ATXN1: variants seen among roughly 807,000 people sequenced by gnomAD.
ATXN1 encodes ataxin 1.
Under a neutral mutation model 56.4 loss-of-function variants are expected in ATXN1, and 8 were observed. The ratio of observed to expected loss-of-function variants is 0.14; its 90% confidence interval spans 0.08 to 0.26. The LOEUF (loss-of-function observed/expected upper bound fraction) is 0.26, where lower values mean the gene tolerates loss of function less well. Ranked by LOEUF, ATXN1 falls within the 10% of genes least tolerant of loss-of-function variation. The pLI, the probability that ATXN1 is intolerant of heterozygous loss-of-function variation, is 1.00. For synonymous variants in ATXN1, 514 were observed against 494.6 expected, an observed-to-expected ratio of 1.04 and a Z score of -0.52; for missense variants, 987 against 1,106.5, an observed-to-expected ratio of 0.89 and a Z score of 1.53.
intron 5 of ATXN1, among the ~76,000 whole-genome samples, chr6:16,515,948 G>C (rs960874674): frequency 2.6e-5 from 4 of 152,154 alleles, no homozygotes; most frequent in African/African-American, 9.7e-5. Flanking sequence ...CATTCAGGAG[G>C]AACAAGGTCA....
intron 3 of ATXN1, among the ~76,000 whole-genome samples, chr6:16,623,180 A>C (rs772410040): frequency 3.3e-5 from 5 of 152,182 alleles, no homozygotes; most frequent in Admixed American, 1.3e-4. Context: ...GAGAGCCTCC[A>C]TGTCTCGTGG....
At chr6:16,449,823 A>G (rs990576777) in intron 6 of ATXN1, among the ~76,000 whole-genome samples, 31 of 152,262 alleles carry the variant, frequency 2.0e-4, no homozygotes, top group African/African-American at 7.5e-4. Context: ...TTAGGGAATC[A>G]GGGTTTTCTC....
chr6:16,441,218 G>A (rs1389078621), intron 6 of ATXN1, among the ~76,000 whole-genome samples: 1 of 152,156 alleles, frequency 6.6e-6, no homozygotes, highest in African/African-American at 2.4e-5. Flanking sequence ...AGAAACTTTT[G>A]AGAGCAGAAT....
At chr6:16,347,025 G>A (rs1362930214) in intron 6 of ATXN1, among the ~76,000 whole-genome samples, 2 of 152,230 alleles carry the variant, frequency 1.3e-5, no homozygotes, top group Non-Finnish European at 2.9e-5. Context: ...TTAGCAGTTG[G>A]GCCAGCAGCC....
intron 3 of ATXN1, among the ~76,000 whole-genome samples, chr6:16,640,624 A>T (rs1276624324): frequency 6.6e-6 from 1 of 151,924 alleles, no homozygotes; most frequent in Non-Finnish European, 1.5e-5. Flanking sequence ...CGGAGCTTGC[A>T]GTAAGCAGAG....
At chr6:16,608,175 G>A (rs910873095) in intron 3 of ATXN1, among the ~76,000 whole-genome samples, 7 of 152,166 alleles carry the variant, frequency 4.6e-5, no homozygotes, top group African/African-American at 1.4e-4. Context: ...AACCATCTGC[G>A]ACTTGGATGT....
At position 16,455,574 on chromosome 6, in the gene ATXN1, C is replaced by G. The variant is rs190307933; in HGVS notation, c.-161+30398G>C. ...GCAAGCATGCTCCTTGGTATCTACA[C>G]AAATAAACTAAAAACTTAAGTCCAC... is the stretch of plus-strand genomic sequence containing the variant. On this transcript the variant is annotated intron_variant, in intron 6 of 7. Coordinates refer to ENST00000436367, the MANE Select transcript of ATXN1 (RefSeq NM_001128164.2). Among the ~76,000 whole-genome samples, 541 of 152,298 alleles carry G rather than the reference C, an allele frequency of 3.6e-3. 3 individuals are homozygous for G. The highest frequency in any genetic ancestry group is 4.9e-3 in the Non-Finnish European group (333 of 68,014).
chr6:16,419,606 G>A (rs1758990088), intron 6 of ATXN1, among the ~76,000 whole-genome samples: 1 of 152,088 alleles, frequency 6.6e-6, no homozygotes, highest in Non-Finnish European at 1.5e-5. Context: ...AGTGTGTGAG[G>A]GCCAGGCTGC....
chr6:16,662,596 A>C (rs1356517007), intron 2 of ATXN1, among the ~76,000 whole-genome samples: 1 of 152,184 alleles, frequency 6.6e-6, no homozygotes, highest in African/African-American at 2.4e-5. Flanking sequence ...GGCCTCCCAA[A>C]GTGCTGGGAT....
At chr6:16,620,987 C>T (rs1409879746) in intron 3 of ATXN1, among the ~76,000 whole-genome samples, 1 of 152,218 alleles carries the variant, frequency 6.6e-6, no homozygotes, top group African/African-American at 2.4e-5. Flanking sequence ...AAGTGGGCTT[C>T]TACATCCCGA....
At chr6:16,501,194 G>T (rs1300193577) in intron 5 of ATXN1, among the ~76,000 whole-genome samples, 1 of 152,226 alleles carries the variant, frequency 6.6e-6, no homozygotes, top group Non-Finnish European at 1.5e-5. Context: ...TTCTGCCATT[G>T]TTCACAGGCC....
chr6:16,374,425 T>C (rs1240825159), intron 6 of ATXN1, among the ~76,000 whole-genome samples: 4 of 152,230 alleles, frequency 2.6e-5, no homozygotes, highest in African/African-American at 9.6e-5. Flanking sequence ...AATCCTTTAA[T>C]TTAACAACCT....
At chr6:16,580,493 C>T (rs1762509101) in intron 4 of ATXN1, among the ~76,000 whole-genome samples, 1 of 152,154 alleles carries the variant, frequency 6.6e-6, no homozygotes, top group African/African-American at 2.4e-5. Context: ...GTCTGTGCAG[C>T]AGTCTGCTTT....
chr6:16,311,326 C>T (rs1195177023), intron 7 of ATXN1, among the ~76,000 whole-genome samples: 1 of 152,146 alleles, frequency 6.6e-6, no homozygotes, highest in Non-Finnish European at 1.5e-5. Context: ...GGCCCCCAAA[C>T]CCATTTTCTT....
intron 4 of ATXN1, among the ~76,000 whole-genome samples, chr6:16,545,636 C>T (rs1161111078): frequency 2.0e-5 from 3 of 152,008 alleles, no homozygotes; most frequent in Admixed American, 6.6e-5. Context: ...TGACATGGAC[C>T]GAGAGCTAAC....
At chr6:16,315,237 G>GTATC (rs1320669678) in intron 7 of ATXN1, among the ~76,000 whole-genome samples, 1 of 152,080 alleles carries the variant, frequency 6.6e-6, no homozygotes, top group Non-Finnish European at 1.5e-5. Context: ...TCCATAAATG[G>GTATC]TATCCCATTC....
At position 16,306,668 on chromosome 6, in the gene ATXN1, G is replaced by C. The variant is rs778287806; in HGVS notation, c.2109C>G (p.Pro703=). The part of the protein sequence containing the change: ...GSVKKGQPVD[P]ASVLLKHSKA... ...TTGAGTGCTTCAGCAGGACGCTGGC[G>C]GGATCCACGGGCTGGCCCTTTTTAA... is the stretch of plus-strand genomic sequence containing the variant. The change falls in exon 8 of 8, where the codon CCC becomes CCG. Residue 703 remains proline (P), a synonymous_variant. Transcript: ENST00000436367. This position sits in a 1 kb window ranked among gnomAD's most constrained non-coding sequence, Gnocchi z 5.2. The C allele has an allele frequency of 1.9e-6, 3 of 1,614,048 alleles. No individual in the cohort carries two copies. In the East Asian group the frequency reaches 6.7e-5, roughly 36 times the overall value.
At chr6:16,707,053 C>T (rs949639841) in intron 2 of ATXN1, among the ~76,000 whole-genome samples, 2 of 152,236 alleles carry the variant, frequency 1.3e-5, no homozygotes, top group South Asian at 2.1e-4. Context: ...GAAATAATTA[C>T]ATTTCTAACC....
intron 6 of ATXN1, among the ~76,000 whole-genome samples, chr6:16,418,550 T>A (rs76163792): frequency 0.03 from 4,511 of 152,168 alleles, 98 homozygotes; most frequent in Non-Finnish European, 0.043. Context: ...ATACTCCTTT[T>A]TTTTATTTTA....
Sources: gnomAD v4.1 joint callset for allele counts (sites outside exome capture counted in the v4.1 genomes callset) on GRCh38, gnomAD v4.1.1 for gene constraint, Gnocchi (gnomAD v3.1) non-coding constraint, MANE v1.5 for transcripts, NCBI Gene and HGNC (gene_info 2026-07-23, HGNC 2026-07-21) for gene names.